Variants in POLR3G observed in about 807,000 individuals in gnomAD.
The protein encoded by POLR3G is DNA-directed RNA polymerase III subunit RPC7.
POLR3G carries 28 observed loss-of-function variants against 30.1 expected under a neutral mutation model. The ratio of observed to expected loss-of-function variants is 0.93; its 90% CI spans 0.69 to 1.27. The LOEUF (loss-of-function observed/expected upper bound fraction) is 1.27, where lower values mean the gene tolerates loss of function less well. Ranked by LOEUF, POLR3G falls within the 50% of genes most tolerant of loss-of-function variation. The pLI is 0.00. For synonymous variants in POLR3G, 79 were observed against 82.5 expected (o/e 0.96, Z 0.23); for missense variants, 254 against 264.6 (o/e 0.96, Z 0.28).
At chr5:90,507,949 T>C (rs1163128388) in intron 7 of POLR3G, among the ~76,000 whole-genome samples, 2 of 152,134 alleles carry the variant, frequency 1.3e-5, no homozygotes, top group Non-Finnish European at 2.9e-5. Flanking sequence ...TCGCCCTTCA[T>C]CTTCTTTTTT....
rs148739368 is a variant in POLR3G at position 90,498,844 on chromosome 5, G to A, written c.355+1138G>A. ...GACAGGAATAAAACTGAGCAAAGTG[G>A]GAATAATCCTTGTCCTCATGGAGCT... On this transcript the variant is annotated intron_variant, in intron 5 of 7. Coordinates refer to ENST00000651687, the MANE Select transcript of POLR3G (RefSeq NM_006467.3). 1.1e-4 allele frequency among the ~76,000 whole-genome samples: 16 copies of A among 152,218 alleles called. No individual in the cohort carries two copies. In the East Asian group the frequency reaches 3.1e-3, roughly 29 times the overall value.
rs1752822688 is a variant in POLR3G, at chr5:90,513,333, C to T, written c.*1194C>T. 6.6e-6 allele frequency: 1 copy of T among 152,546 alleles called. No individual in the cohort carries two copies. The highest frequency in any genetic ancestry group is 1.5e-5 in the Non-Finnish European group (1 of 67,980). 9.4% of individuals were successfully genotyped at this position (152,546 alleles called of 1,614,324 possible). On this transcript the variant is annotated 3_prime_UTR_variant, in exon 8 of 8. Transcript: ENST00000651687. ...TTTCTACCTATACTATTAAACTCAA[C>T]CTTGAACCTGAGCTTGGTTGTTTCT...
At chr5:90,498,647 T>G (rs1413416947) in intron 5 of POLR3G, among the ~76,000 whole-genome samples, 4 of 152,260 alleles carry the variant, frequency 2.6e-5, no homozygotes. Context: ...TGCAGATTTT[T>G]TATTATACTG....
chr5:90,474,311 C>G (rs760423101), upstream of POLR3G: 1 of 1,608,524 alleles, frequency 6.2e-7, no homozygotes, highest in African/African-American at 1.3e-5. Flanking sequence ...GGGGTGCAGC[C>G]AGGCGGGGTG....
chr5:90,482,035 A>T (rs1751150568), intron 1 of POLR3G, among the ~76,000 whole-genome samples: 1 of 152,232 alleles, frequency 6.6e-6, no homozygotes, highest in Admixed American at 6.5e-5. Context: ...TAGTAAATGT[A>T]AGTATTAGTA....
chr5:90,474,318 G>T, upstream of POLR3G: 1 of 1,603,148 alleles, frequency 6.2e-7, no homozygotes, highest in South Asian at 1.1e-5. Context: ...AGCCAGGCGG[G>T]GTGAGTGTGG....
intron 1 of POLR3G, among the ~76,000 whole-genome samples, chr5:90,477,789 A>G (rs891493559): frequency 2.0e-5 from 3 of 152,258 alleles, no homozygotes; most frequent in African/African-American, 7.2e-5. Flanking sequence ...AAAAGCAGAT[A>G]CTTACTGAAA....
chr5:90,478,375 TC>T (rs1158008943), intron 1 of POLR3G, among the ~76,000 whole-genome samples: 1 of 151,936 alleles, frequency 6.6e-6, no homozygotes, highest in Non-Finnish European at 1.5e-5. Flanking sequence ...AATAAAGACC[TC>T]CCTGGGATTA....
At chr5:90,484,582 A>G (rs575709493) in intron 1 of POLR3G, among the ~76,000 whole-genome samples, 1 of 152,304 alleles carries the variant, frequency 6.6e-6, no homozygotes, top group South Asian at 2.1e-4. Context: ...CCTGGTGAAG[A>G]GTAGAGCAGC....
At chr5:90,508,123 A>T (rs1005285653) in intron 7 of POLR3G, among the ~76,000 whole-genome samples, 2 of 152,182 alleles carry the variant, frequency 1.3e-5, no homozygotes, top group African/African-American at 4.8e-5. Context: ...ATTTTGCTGG[A>T]TAACATGTTT....
rs181749699 is a variant in POLR3G at position 90,485,571 on chromosome 5, G to T, written c.4G>T (p.Ala2Ser). 7.4e-6 allele frequency: 12 copies of T among 1,611,020 alleles called. No homozygotes were observed. In the African/African-American group the frequency reaches 9.3e-5, roughly 13 times the overall value. Residue 2 changes from alanine to serine, a missense_variant, in exon 2 of 8, where the codon GCT (alanine) becomes TCT (serine). Physicochemically the swap from Ala to Ser is moderately conservative, Grantham distance 99 (BLOSUM62 1). Coordinates refer to ENST00000651687, the MANE Select transcript of POLR3G (RefSeq NM_006467.3). Reference protein sequence around the residue: MAGNKGRGRAAY... With the variant: MSGNKGRGRAAY... ...TCATCTGGTATAACTGGTTCTGATG[G>T]CTGGGAATAAAGGAAGAGGACGTGC...
chr5:90,498,303 T>A (rs1224465785), intron 5 of POLR3G, among the ~76,000 whole-genome samples: 3 of 152,212 alleles, frequency 2.0e-5, no homozygotes, highest in Non-Finnish European at 4.4e-5. Flanking sequence ...TATCTTTTTT[T>A]AAATTTCTGT....
At chr5:90,494,415 A>G (rs1751882885) in intron 3 of POLR3G, among the ~76,000 whole-genome samples, 1 of 152,224 alleles carries the variant, frequency 6.6e-6, no homozygotes, top group Non-Finnish European at 1.5e-5. Context: ...TATATTGGGT[A>G]TATACATAGG....
chr5:90,478,569 CTTTT>C lies in POLR3G; in HGVS notation c.-44+3563_-44+3566del, dbSNP rs773881344. ...AATGGGAGGTTTAATCTGCGTGGTT[CTTTT>C]TTTTTTTTTTTTTGAGAGGGAGCCT... On this transcript the variant is annotated intron_variant, in intron 1 of 7. Coordinates refer to ENST00000651687, the MANE Select transcript of POLR3G (RefSeq NM_006467.3). Among the ~76,000 whole-genome samples the C allele has an allele frequency of 5.4e-4, 43 of 79,326 alleles. 2 individuals carry two copies. Among genetic ancestry groups the C allele is most frequent in the African/African-American group, 1.8e-3 (35 of 19,810 alleles). 52.0% of individuals were successfully genotyped at this position (79,326 alleles called of 152,430 possible).
At chr5:90,510,107 A>G (rs775280079) in intron 7 of POLR3G, among the ~76,000 whole-genome samples, 4 of 152,174 alleles carry the variant, frequency 2.6e-5, no homozygotes, top group East Asian at 1.9e-4. Flanking sequence ...TGTGTGGTCA[A>G]TACTCTAGAC....
chr5:90,490,658 C>T (rs559893446), intron 3 of POLR3G: 291 of 393,852 alleles, frequency 7.4e-4, no homozygotes, highest in African/African-American at 5.6e-3. Context: ...ATCCTCCCAT[C>T]TCGGCCTTCC....
intron 3 of POLR3G, among the ~76,000 whole-genome samples, chr5:90,491,883 G>A (rs1216816610): frequency 6.6e-6 from 1 of 152,082 alleles, no homozygotes; most frequent in Non-Finnish European, 1.5e-5. Flanking sequence ...TCACTATTAT[G>A]TCATCATATA....
intron 1 of POLR3G, among the ~76,000 whole-genome samples, chr5:90,475,633 A>G (rs1439487369): frequency 6.6e-6 from 1 of 151,868 alleles, no homozygotes; most frequent in Non-Finnish European, 1.5e-5. Flanking sequence ...CGCCAGCCAC[A>G]TAAATCATCC....
intron 3 of POLR3G, among the ~76,000 whole-genome samples, chr5:90,494,150 A>C (rs1751872898): frequency 6.6e-6 from 1 of 152,180 alleles, no homozygotes. Flanking sequence ...TGTCATATAA[A>C]TGGAATGATG....
Sources: allele counts gnomAD v4.1 joint callset (sites outside exome capture counted in the v4.1 genomes callset), GRCh38; gene constraint gnomAD v4.1.1; transcripts MANE v1.5; gene names NCBI Gene and HGNC (gene_info 2026-07-23, HGNC 2026-07-21).